The following NSUN6 variants were observed in gnomAD, a reference collection of about 807,000 sequenced individuals.
NSUN6 encodes NOP2/Sun RNA methyltransferase 6.
NSUN6 carries 64 observed loss-of-function variants against 58.0 expected under a neutral mutation model. The observed-to-expected ratio is 1.10, with a 90% CI of 0.90 to 1.36. The LOEUF (loss-of-function observed/expected upper bound fraction) is 1.36, where lower values mean the gene tolerates loss of function less well. Ranked by LOEUF, NSUN6 falls within the 40% of genes most tolerant of loss-of-function variation. The pLI is 0.00. For synonymous variants in NSUN6, 231 were observed against 193.9 expected, an observed-to-expected ratio of 1.19 and a Z score of -1.59; for missense variants, 701 against 550.1, an observed-to-expected ratio of 1.27 and a Z score of -2.74.
intron 8 of NSUN6, among the ~76,000 whole-genome samples, chr10:18,582,644 A>C (rs966416417): frequency 3.3e-5 from 5 of 152,366 alleles, no homozygotes; most frequent in Admixed American, 6.5e-5. Context: ...ACTGTTGAAA[A>C]GAATAAAGCA....
At chr10:18,614,323 A>T (rs1378758416) in intron 5 of NSUN6, 137 bp downstream of exon 5, 4 of 424,658 alleles carry the variant, frequency 9.4e-6, no homozygotes, top group Non-Finnish European at 1.6e-5. Context: ...ATATGGGTTT[A>T]AACAATTTTT....
intron 8 of NSUN6, among the ~76,000 whole-genome samples, chr10:18,580,565 C>A (rs920915457): frequency 1.3e-5 from 2 of 152,164 alleles, no homozygotes; most frequent in African/African-American, 4.8e-5. Context: ...TACCCAGGCA[C>A]AGTAGGCTAA....
chr10:18,615,128 T>TATATATATATACAC (rs562207637), intron 4 of NSUN6, among the ~76,000 whole-genome samples: 135 of 148,046 alleles, frequency 9.1e-4, no homozygotes, highest in African/African-American at 3.1e-3. Context: ...TATATATATA[T>TATATATATATACAC]ACACACACAT....
intron 8 of NSUN6, among the ~76,000 whole-genome samples, chr10:18,553,286 T>C (rs2054732968): frequency 6.6e-6 from 1 of 151,928 alleles, no homozygotes; most frequent in African/African-American, 2.4e-5. Context: ...CATTCTCTAT[T>C]CCGTTCCGTT....
upstream of NSUN6, chr10:18,651,808 T>C: frequency 4.1e-6 from 4 of 985,384 alleles, no homozygotes; most frequent in Non-Finnish European, 4.8e-6. Context: ...GCGGGCGGGA[T>C]GGTCAAAGAT....
Position 18,602,615 on chromosome 10 carries a change from C to G in NSUN6, c.658-6288G>C, listed in dbSNP as rs569385280. 5.6e-3 allele frequency among the ~76,000 whole-genome samples: 854 copies of G among 152,272 alleles called. 8 individuals are homozygous for G. Among genetic ancestry groups the G allele is most frequent in the Non-Finnish European group, 5.5e-3 (375 of 68,014 alleles). Reference sequence around the variant, plus strand: ...GAACTCCTGACCTCAAGTGATCCACCTGCCTTGGCCTCCCAAAGTGCTGGG... The same window carrying G: ...GAACTCCTGACCTCAAGTGATCCACGTGCCTTGGCCTCCCAAAGTGCTGGG... On this transcript the variant is annotated intron_variant, in intron 6 of 10. Coordinates refer to ENST00000377304, the MANE Select transcript of NSUN6 (RefSeq NM_182543.5).
intron 3 of NSUN6, among the ~76,000 whole-genome samples, chr10:18,622,880 CATTA>C: frequency 6.6e-6 from 1 of 152,290 alleles, no homozygotes; most frequent in Admixed American, 6.5e-5. Context: ...AAGGGAGGAG[CATTA>C]ATTGAGAGAA....
At chr10:18,551,477 G>A (rs1270412434) in intron 9 of NSUN6, among the ~76,000 whole-genome samples, 1 of 152,004 alleles carries the variant, frequency 6.6e-6, no homozygotes, top group Admixed American at 6.6e-5. Flanking sequence ...ACAATGCCTG[G>A]TAGTATCTAT....
At chr10:18,589,324 G>T (rs973289221) in intron 7 of NSUN6, among the ~76,000 whole-genome samples, 2 of 152,112 alleles carry the variant, frequency 1.3e-5, no homozygotes, top group Admixed American at 1.3e-4. Flanking sequence ...AGGGAGAATG[G>T]ACCAAATTGG....
chr10:18,639,087 T>TCAAA (rs917257494), intron 3 of NSUN6, among the ~76,000 whole-genome samples: 1 of 151,478 alleles, frequency 6.6e-6, no homozygotes, highest in African/African-American at 2.4e-5. Flanking sequence ...AGACCTCGTC[T>TCAAA]CAAACAAACA....
chr10:18,549,677 G>C (rs1316118341), intron 9 of NSUN6, among the ~76,000 whole-genome samples: 6 of 152,088 alleles, frequency 3.9e-5, no homozygotes, highest in Non-Finnish European at 2.9e-5. Context: ...AATTAATCAG[G>C]AGATAAGGTA....
chr10:18,553,081 C>T (rs975553340), intron 8 of NSUN6, among the ~76,000 whole-genome samples: 2 of 151,296 alleles, frequency 1.3e-5, no homozygotes, highest in Admixed American at 1.3e-4. Context: ...CATTAAATTC[C>T]ATCTTCAGTT....
At chr10:18,568,623 CT>C (rs1169254025) in intron 8 of NSUN6, among the ~76,000 whole-genome samples, 1,516 of 150,876 alleles carry the variant, frequency 0.01, 30 homozygotes, top group African/African-American at 0.035. Flanking sequence ...GCATTCCATT[CT>C]CCATTCCATT....
chr10:18,642,965 C>T (rs2059432107), intron 2 of NSUN6, among the ~76,000 whole-genome samples: 1 of 151,994 alleles, frequency 6.6e-6, no homozygotes, highest in Admixed American at 6.6e-5. Context: ...GCATCCATGT[C>T]AGCTTTGGTG....
Position 18,614,453 on chromosome 10 carries a change from G to A in NSUN6, c.575+7C>T, listed in dbSNP as rs2058341114. 2 of 1,471,530 alleles carry A rather than the reference G, an allele frequency of 1.4e-6. No individual in the cohort carries two copies. The highest frequency in any genetic ancestry group is 2.6e-5 in the East Asian group (1 of 38,638). 91.2% of individuals were successfully genotyped at this position (1,471,530 alleles called of 1,614,324 possible). A position where few individuals can be genotyped will look rare whatever the true frequency, so the allele number is the denominator to read the frequency against. On this transcript the variant is annotated splice_region_variant and intron_variant, in intron 5 of 10. Transcript: ENST00000377304. Reference sequence around the variant, plus strand: ...TGCTGATTTCCCCAAAGCACCTGATGACATACTTCAGTTCAGGTAATCCAC... The same window carrying A: ...TGCTGATTTCCCCAAAGCACCTGATAACATACTTCAGTTCAGGTAATCCAC...
chr10:18,590,855 G>C (rs936611935), intron 7 of NSUN6, among the ~76,000 whole-genome samples: 3 of 152,000 alleles, frequency 2.0e-5, no homozygotes, highest in Non-Finnish European at 2.9e-5. Context: ...AACTAGAGAA[G>C]AAAGAGCCAA....
At chr10:18,584,040 C>A (rs1304434926) in intron 8 of NSUN6, among the ~76,000 whole-genome samples, 1 of 152,178 alleles carries the variant, frequency 6.6e-6, no homozygotes, top group Admixed American at 6.5e-5. Context: ...TCCTAGAGAA[C>A]TGACAGTCAA....
chr10:18,624,580 T>G (rs1231386892), intron 3 of NSUN6, among the ~76,000 whole-genome samples: 1 of 135,682 alleles, frequency 7.4e-6, no homozygotes. Context: ...AGACCCGGGA[T>G]GTAGAGCTTG....
upstream of NSUN6, chr10:18,652,537 C>T (rs2059727236): frequency 1.0e-6 from 1 of 977,338 alleles, no homozygotes; most frequent in Non-Finnish European, 1.2e-6. Flanking sequence ...TACCACACAA[C>T]AACCTGCAAG....
Sources: gnomAD v4.1 joint callset for allele counts (sites outside exome capture counted in the v4.1 genomes callset) on GRCh38, gnomAD v4.1.1 for gene constraint, MANE v1.5 for transcripts, NCBI Gene and HGNC (gene_info 2026-07-23, HGNC 2026-07-21) for gene names.